The following SIPA1L3 variants were observed in gnomAD, a reference collection of about 807,000 sequenced individuals.
SIPA1L3 encodes the protein signal-induced proliferation-associated 1-like protein 3.
Under a neutral mutation model 150.1 loss-of-function variants are expected in SIPA1L3, and 59 were observed. The observed-to-expected ratio is 0.39, with a 90% CI of 0.32 to 0.49. SIPA1L3 has a LOEUF of 0.49. SIPA1L3 is among the 20% of genes least tolerant of loss of function. The pLI is 0.86. For missense variants in SIPA1L3, 2,211 were observed against 2,489.5 expected, an observed-to-expected ratio of 0.89 and a Z score of 2.38; for synonymous variants, 1,070 against 1,077.6, an observed-to-expected ratio of 0.99 and a Z score of 0.14.
At chr19:37,982,667 G>T (rs969656347) in intron 1 of SIPA1L3, among the ~76,000 whole-genome samples, 1 of 152,216 alleles carries the variant, frequency 6.6e-6, no homozygotes, top group Non-Finnish European at 1.5e-5. Flanking sequence ...CAGGCCACAT[G>T]CACGTCTTCA....
At chr19:37,992,243 C>T (rs2145637546) in intron 1 of SIPA1L3, among the ~76,000 whole-genome samples, 1 of 152,322 alleles carries the variant, frequency 6.6e-6, no homozygotes, top group South Asian at 2.1e-4. Flanking sequence ...TTAGCACAGG[C>T]CCTGGCACTC....
intron 15 of SIPA1L3, among the ~76,000 whole-genome samples, chr19:38,165,737 G>A (rs181040922): frequency 2.3e-4 from 35 of 152,170 alleles, no homozygotes; most frequent in South Asian, 4.2e-4. Flanking sequence ...AGGTCGGAGC[G>A]GGAGACCTGA....
intron 4 of SIPA1L3, 27 bp downstream of exon 4, chr19:38,088,878 TAAAG>T: frequency 6.2e-7 from 1 of 1,608,576 alleles, no homozygotes; most frequent in Non-Finnish European, 8.5e-7. Context: ...TCGTTCTTAT[TAAAG>T]AAATCATAGC....
At chr19:38,200,697 G>A (rs997688113) in intron 19 of SIPA1L3, 2 of 152,190 alleles carry the variant, frequency 1.3e-5, no homozygotes. Flanking sequence ...GGAGGCTGAG[G>A]CAGGCAGATC....
chr19:37,949,136 G>A (rs972661362), intron 1 of SIPA1L3, among the ~76,000 whole-genome samples: 1 of 152,316 alleles, frequency 6.6e-6, no homozygotes, highest in East Asian at 1.9e-4. Context: ...CATCAGGATC[G>A]ATAGGCCTGA....
At chr19:38,130,016 G>A (rs928100564) in intron 9 of SIPA1L3, among the ~76,000 whole-genome samples, 1 of 152,138 alleles carries the variant, frequency 6.6e-6, no homozygotes, top group Non-Finnish European at 1.5e-5. Flanking sequence ...GCAGTGAGCT[G>A]AGATCATGCC....
rs1208876036 is a variant in SIPA1L3, at chr19:38,198,297, G to A, written c.4841-92G>A. On this transcript the variant is annotated intron_variant, in intron 18 of 21. Coordinates refer to ENST00000222345, the MANE Select transcript of SIPA1L3 (RefSeq NM_015073.3). ...TGCTGGAGGTTTTCCTGGGCATGTA[G>A]CATCTCTGCATAAGCAATGGGATGT... The A allele has an allele frequency of 6.7e-6, 9 of 1,344,284 alleles. No homozygotes were observed. In the East Asian group the frequency reaches 2.5e-4, roughly 37 times the overall value. 83.3% of individuals were successfully genotyped at this position (1,344,284 alleles called of 1,614,324 possible).
Position 38,160,406 on chromosome 19 carries a change from C to CT in SIPA1L3, c.3662-1833dup, listed in dbSNP as rs1013776043. Among the ~76,000 whole-genome samples, 655 of 134,860 alleles carry CT rather than the reference C, an allele frequency of 4.9e-3. 1 individual carries two copies. Among genetic ancestry groups the CT allele is most frequent in the African/African-American group, 0.011 (420 of 36,944 alleles). The allele number at this position is 134,860 out of a possible 152,430, so 88.5% of individuals were successfully genotyped here. ...GTTGACATCCAGAGCAGCTGCTACTCTTTTTTTTTTTTTTGAGACGGAGTC... is the reference window on the plus strand; with the variant it reads ...GTTGACATCCAGAGCAGCTGCTACTCTTTTTTTTTTTTTTTGAGACGGAGTC... On this transcript the variant is annotated intron_variant, in intron 13 of 21. Coordinates refer to ENST00000222345, the MANE Select transcript of SIPA1L3 (RefSeq NM_015073.3).
Position 38,164,522 on chromosome 19 carries a change from C to A in SIPA1L3, c.3824C>A (p.Ser1275Tyr). The change falls in exon 15 of 22, where the codon TCC (serine) becomes TAC (tyrosine). Residue 1275 changes from serine to tyrosine, a missense_variant. This residue lies in a region of SIPA1L3 where 806 missense variants were observed against 870.1 expected (regional missense o/e 0.93). Coordinates refer to ENST00000222345, the MANE Select transcript of SIPA1L3 (RefSeq NM_015073.3). This position sits in a 1 kb window ranked among gnomAD's most constrained non-coding sequence, Gnocchi z 4.1. ...YSSHSSSNTLSSNASSSHSDD... is the reference protein window; with the variant it reads ...YSSHSSSNTLYSNASSSHSDD... ...AGTCATTCCAGCAGCAACACCCTCT[C>A]CAGCAACGCATCCAGCAGCCACAGC... The A allele has an allele frequency of 6.2e-7, 1 of 1,613,858 alleles. No individual in the cohort carries two copies. The highest frequency in any genetic ancestry group is 8.5e-7 in the Non-Finnish European group (1 of 1,179,786).
chr19:37,910,184 G>A (rs952098232), intron 1 of SIPA1L3, among the ~76,000 whole-genome samples: 3 of 152,120 alleles, frequency 2.0e-5, no homozygotes, highest in Non-Finnish European at 4.4e-5. Context: ...TTAGTAACTT[G>A]TAAAATGTAA....
intron 9 of SIPA1L3, among the ~76,000 whole-genome samples, chr19:38,123,273 G>GT (rs1204866999): frequency 7.9e-4 from 110 of 139,496 alleles, no homozygotes; most frequent in African/African-American, 1.1e-3. Context: ...TGTTTTTTTT[G>GT]TTTTTTTTTT....
intron 16 of SIPA1L3, among the ~76,000 whole-genome samples, chr19:38,184,201 G>T (rs376729182): frequency 5.9e-5 from 9 of 151,282 alleles, no homozygotes; most frequent in African/African-American, 2.2e-4. Flanking sequence ...TTTTTGAGAC[G>T]GAGTTTCATT....
intron 15 of SIPA1L3, among the ~76,000 whole-genome samples, chr19:38,167,999 A>C (rs951655254): frequency 1.3e-5 from 2 of 152,178 alleles, no homozygotes; most frequent in Non-Finnish European, 2.9e-5. Context: ...GCTGAGAGAA[A>C]TCAGGAGCAC....
Position 38,006,070 on chromosome 19 carries a change from G to A in SIPA1L3, c.-378-23019G>A, listed in dbSNP as rs138051417. Among the ~76,000 whole-genome samples the A allele has an allele frequency of 2.9e-4, 44 of 152,236 alleles. No individual in the cohort carries two copies. In the East Asian group the frequency reaches 8.3e-3, roughly 29 times the overall value. On this transcript the variant is annotated intron_variant, in intron 1 of 21. Transcript: ENST00000222345. Reference sequence around the variant, plus strand: ...AATAAAAGCACCCAGATAAACAGGCGGTGAATGGTGGAGGAAAAAACTGGG... The same window carrying A: ...AATAAAAGCACCCAGATAAACAGGCAGTGAATGGTGGAGGAAAAAACTGGG...
intron 1 of SIPA1L3, among the ~76,000 whole-genome samples, chr19:37,987,851 T>A (rs1967399644): frequency 6.6e-6 from 1 of 152,250 alleles, no homozygotes; most frequent in Non-Finnish European, 1.5e-5. Context: ...GTGGCTGGAC[T>A]AGCAAGTGGG....
intron 7 of SIPA1L3, among the ~76,000 whole-genome samples, chr19:38,107,149 C>T (rs1970640612): frequency 6.6e-6 from 1 of 152,190 alleles, no homozygotes; most frequent in African/African-American, 2.4e-5. Flanking sequence ...AAAGATACCT[C>T]CTAGCAGCCC....
chr19:38,022,927 C>T (rs1052962570), intron 1 of SIPA1L3, among the ~76,000 whole-genome samples: 2 of 152,164 alleles, frequency 1.3e-5, no homozygotes, highest in African/African-American at 4.8e-5. Flanking sequence ...CAAGAAGTTG[C>T]CAGATAGCTC....
chr19:38,160,606 T>C (rs577551788), intron 13 of SIPA1L3, among the ~76,000 whole-genome samples: 1 of 152,020 alleles, frequency 6.6e-6, no homozygotes, highest in South Asian at 2.1e-4. Flanking sequence ...GGTTTCACCA[T>C]GTTGGACAGG....
intron 1 of SIPA1L3, among the ~76,000 whole-genome samples, chr19:37,922,549 G>A (rs900654429): frequency 5.9e-5 from 9 of 151,604 alleles, no homozygotes; most frequent in Non-Finnish European, 8.8e-5. Context: ...ACCCGCCACC[G>A]CACCCGGCTA....
Sources: gnomAD v4.1 joint callset for allele counts (sites outside exome capture counted in the v4.1 genomes callset) on GRCh38, gnomAD v4.1.1 for gene constraint, gnomAD v4.1.1 regional missense constraint, Gnocchi (gnomAD v3.1) non-coding constraint, MANE v1.5 for transcripts, NCBI Gene and HGNC (gene_info 2026-07-23, HGNC 2026-07-21) for gene names.